The following PRSS23 variants were observed in gnomAD, a reference collection of about 807,000 sequenced individuals.
PRSS23 encodes the protein serine protease 23, also known as protease, serine 23.
A neutral mutation model predicts 34.7 loss-of-function variants in PRSS23; 25 were observed. The ratio of observed to expected loss-of-function variants is 0.72; its 90% CI spans 0.53 to 1.01. PRSS23 has a LOEUF of 1.01. PRSS23 is among the 50% of genes least tolerant of loss of function. The pLI is 0.00. For synonymous variants in PRSS23, 176 were observed against 186.6 expected (o/e 0.94, Z 0.46); for missense variants, 445 against 475.6 (o/e 0.94, Z 0.60).
At chr11:86,833,245 C>G (rs181054527) in intron 2 of PRSS23, 4 of 1,573,422 alleles carry the variant, frequency 2.5e-6, no homozygotes, top group Non-Finnish European at 3.5e-6. Context: ...GGAGGTGAAA[C>G]CGATGTCAGC....
intron 2 of PRSS23, among the ~76,000 whole-genome samples, chr11:86,930,853 G>A (rs1022904877): frequency 2.1e-5 from 3 of 141,822 alleles, no homozygotes; most frequent in Non-Finnish European, 3.2e-5. Context: ...GCCCTGAGCA[G>A]GTAAAGTGCT....
intron 2 of PRSS23, among the ~76,000 whole-genome samples, chr11:86,895,766 C>G (rs1948870889): frequency 6.6e-6 from 1 of 152,154 alleles, no homozygotes; most frequent in Non-Finnish European, 1.5e-5. Context: ...AGGTGTGAAC[C>G]ACCGTGCCTG....
In PRSS23 at chr11:86,810,630, A is replaced by G. The variant is rs1948167669; in HGVS notation, c.*1835A>G. 6.0e-6 allele frequency: 1 copy of G among 167,044 alleles called. No homozygotes were observed. Among genetic ancestry groups the G allele is most frequent in the Non-Finnish European group, 1.5e-5 (1 of 68,114 alleles). 10.3% of individuals were successfully genotyped at this position (167,044 alleles called of 1,614,324 possible). A position where few individuals can be genotyped will look rare whatever the true frequency, so the allele number is the denominator to read the frequency against. On this transcript the variant is annotated 3_prime_UTR_variant, in exon 2 of 2. Coordinates refer to ENST00000280258, the MANE Select transcript of PRSS23 (RefSeq NM_007173.6). ...GAAAAAAAGTTCACTGAACACCAAG[A>G]CCAGAATGGATTTTTTTAAAAAAAT...
chr11:86,862,635 G>A (rs963931519), intron 2 of PRSS23, among the ~76,000 whole-genome samples: 3 of 150,948 alleles, frequency 2.0e-5, no homozygotes, highest in Non-Finnish European at 3.0e-5. Flanking sequence ...TATTTTAGGG[G>A]GATGTTACTT....
chr11:86,838,178 C>A (rs577503361), intron 2 of PRSS23, among the ~76,000 whole-genome samples: 1 of 152,098 alleles, frequency 6.6e-6, no homozygotes, highest in South Asian at 2.1e-4. Flanking sequence ...GACACAGGCA[C>A]ACACCTACAA....
At chr11:86,849,742 C>T (rs71465667) in intron 2 of PRSS23, among the ~76,000 whole-genome samples, 415 of 152,260 alleles carry the variant, frequency 2.7e-3, no homozygotes, top group Non-Finnish European at 4.2e-3. Flanking sequence ...CTGTACCTAA[C>T]CCCTATATGC....
intron 2 of PRSS23, among the ~76,000 whole-genome samples, chr11:86,826,074 A>C (rs1948298253): frequency 6.6e-6 from 1 of 152,138 alleles, no homozygotes; most frequent in Admixed American, 6.5e-5. Context: ...CTTGGGCCGT[A>C]TGGCCATTTT....
intron 2 of PRSS23, among the ~76,000 whole-genome samples, chr11:86,899,902 G>A (rs1948900170): frequency 6.6e-6 from 1 of 151,424 alleles, no homozygotes; most frequent in Non-Finnish European, 1.5e-5. Context: ...AAACACATAA[G>A]TGACAAGTGA....
At position 86,792,552 on chromosome 11, in the gene PRSS23, G is replaced by A. The variant is rs1167809896; in HGVS notation, c.-14+1357G>A. Among the ~76,000 whole-genome samples, 3 of 152,170 alleles carry A rather than the reference G, an allele frequency of 2.0e-5. 1 individual carries two copies. The highest frequency in any genetic ancestry group is 2.0e-4 in the Admixed American group (3 of 15,274). On this transcript the variant is annotated intron_variant, in intron 1 of 1. Coordinates refer to the PRSS23 transcript ENST00000527521. ...TGAATAACACACCCAGCCAAAAAAG[G>A]TGCAGGCCAGAGATGCAAACTCATG...
intron 2 of PRSS23, among the ~76,000 whole-genome samples, chr11:86,831,439 G>A (rs1438403678): frequency 6.6e-6 from 1 of 151,842 alleles, no homozygotes; most frequent in Non-Finnish European, 1.5e-5. Context: ...CATAGCAGGT[G>A]TACCCCCTGT....
chr11:86,885,902 A>C (rs1334407501), intron 2 of PRSS23, among the ~76,000 whole-genome samples: 4 of 152,194 alleles, frequency 2.6e-5, no homozygotes, highest in African/African-American at 9.7e-5. Flanking sequence ...ATGTCCATCA[A>C]CTTCTCTAAA....
chr11:86,899,718 A>G (rs1481841505), intron 2 of PRSS23, among the ~76,000 whole-genome samples: 1 of 151,932 alleles, frequency 6.6e-6, no homozygotes, highest in Non-Finnish European at 1.5e-5. Flanking sequence ...GGGTTTCACC[A>G]TGTTAGCCAG....
chr11:86,835,429 G>A (rs1413166316), intron 2 of PRSS23, among the ~76,000 whole-genome samples: 1 of 152,236 alleles, frequency 6.6e-6, no homozygotes, highest in African/African-American at 2.4e-5. Flanking sequence ...GACATATAAA[G>A]AAAAGTCTTG....
At chr11:86,847,548 A>G (rs1203519369) in intron 2 of PRSS23, among the ~76,000 whole-genome samples, 3 of 152,110 alleles carry the variant, frequency 2.0e-5, no homozygotes, top group Admixed American at 1.3e-4. Flanking sequence ...CTAAGGGAAG[A>G]TGAGTCCCAG....
chr11:86,868,207 A>C (rs1948663142), intron 2 of PRSS23, among the ~76,000 whole-genome samples: 1 of 152,218 alleles, frequency 6.6e-6, no homozygotes, highest in Non-Finnish European at 1.5e-5. Context: ...ACAAAGGCTG[A>C]GCACACCCTG....
At chr11:86,939,039 A>T (rs1418451914) in intron 2 of PRSS23, 2 of 451,180 alleles carry the variant, frequency 4.4e-6, no homozygotes, top group Non-Finnish European at 8.9e-6. Context: ...TTTTTCATCC[A>T]TTCTTAAAAT....
intron 2 of PRSS23, among the ~76,000 whole-genome samples, chr11:86,831,538 A>G (rs529242208): frequency 1.4e-5 from 2 of 147,844 alleles, no homozygotes; most frequent in Admixed American, 1.3e-4. Flanking sequence ...AGCCTATAGA[A>G]ATGTTACTCT....
intron 2 of PRSS23, among the ~76,000 whole-genome samples, chr11:86,882,129 T>C (rs548641711): frequency 2.0e-3 from 308 of 152,352 alleles, no homozygotes; most frequent in African/African-American, 7.1e-3. Flanking sequence ...ATTATTTACT[T>C]ACACCTGCCT....
chr11:86,856,077 A>G (rs1948568769), intron 2 of PRSS23, among the ~76,000 whole-genome samples: 1 of 152,186 alleles, frequency 6.6e-6, no homozygotes, highest in Admixed American at 6.5e-5. Flanking sequence ...TCTATTTCCC[A>G]TTTTATGTAT....
Sources: allele counts gnomAD v4.1 joint callset (sites outside exome capture counted in the v4.1 genomes callset), GRCh38; gene constraint gnomAD v4.1.1; transcripts MANE v1.5; gene names NCBI Gene and HGNC (gene_info 2026-07-23, HGNC 2026-07-21).